Variants in PALLD observed in about 807,000 individuals in gnomAD.
PALLD encodes palladin.
Under a neutral mutation model 123.5 loss-of-function variants are expected in PALLD, and 61 were observed. That is an observed-to-expected ratio of 0.49 (90% CI 0.40 to 0.61). The LOEUF (loss-of-function observed/expected upper bound fraction) is 0.61, where lower values mean the gene tolerates loss of function less well. PALLD is among the 20% of genes least tolerant of loss of function. PALLD has a pLI of 0.00. For synonymous variants in PALLD, 465 were observed against 496.4 expected, an observed-to-expected ratio of 0.94 and a Z score of 0.84; for missense variants, 1,273 against 1,377.0, an observed-to-expected ratio of 0.92 and a Z score of 1.20.
intron 2 of PALLD, among the ~76,000 whole-genome samples, chr4:168,517,716 A>C (rs1198506264): frequency 2.0e-5 from 3 of 152,210 alleles, no homozygotes; most frequent in Non-Finnish European, 1.5e-5. Flanking sequence ...ACCACTAGCC[A>C]ATAGTTTATG....
intron 10 of PALLD, among the ~76,000 whole-genome samples, chr4:168,799,400 T>C (rs1221936549): frequency 6.6e-6 from 1 of 152,202 alleles, no homozygotes; most frequent in Non-Finnish European, 1.5e-5. Context: ...ATTGGAAAGG[T>C]AACCGAAGTC....
At chr4:168,747,756 G>A (rs763216947) in intron 10 of PALLD, among the ~76,000 whole-genome samples, 50 of 152,130 alleles carry the variant, frequency 3.3e-4, no homozygotes, top group Non-Finnish European at 5.3e-4. Flanking sequence ...TTAGCTTTGC[G>A]TTAAGAGAAT....
Position 168,919,018 on chromosome 4 carries a change from A to G in PALLD, c.2851-2516A>G, listed in dbSNP as rs78139787. 4.8e-3 allele frequency among the ~76,000 whole-genome samples: 737 copies of G among 152,248 alleles called. 8 individuals carry two copies. The highest frequency in any genetic ancestry group is 5.6e-3 in the Admixed American group (85 of 15,290). ...AATCTGGAATTTATTTTTAAATATA[A>G]AAAATAAGAGAGTGACTAAATGATG... is the stretch of plus-strand genomic sequence containing the variant. On this transcript the variant is annotated intron_variant, in intron 17 of 21. Coordinates refer to ENST00000505667, the MANE Select transcript of PALLD (RefSeq NM_001166108.2).
intron 3 of PALLD, among the ~76,000 whole-genome samples, chr4:168,675,388 G>A (rs974445990): frequency 1.3e-5 from 2 of 152,184 alleles, no homozygotes; most frequent in African/African-American, 4.8e-5. Context: ...GTGACATTGT[G>A]AAGCGTGCTG....
At chr4:168,865,217 A>G (rs1750090964) in intron 10 of PALLD, among the ~76,000 whole-genome samples, 1 of 152,272 alleles carries the variant, frequency 6.6e-6, no homozygotes, top group Non-Finnish European at 1.5e-5. Flanking sequence ...TCAAAAGCTA[A>G]GAAGGGCCAA....
intron 10 of PALLD, among the ~76,000 whole-genome samples, chr4:168,806,317 G>A (rs537662033): frequency 5.3e-5 from 8 of 152,278 alleles, no homozygotes; most frequent in Non-Finnish European, 8.8e-5. Flanking sequence ...GCCCACCTCC[G>A]TCTCCCAAAG....
chr4:168,823,038 A>C (rs1190691272), intron 10 of PALLD, among the ~76,000 whole-genome samples: 1 of 152,158 alleles, frequency 6.6e-6, no homozygotes, highest in Admixed American at 6.5e-5. Context: ...CCGTTTCTCC[A>C]TTAAAAAAAA....
intron 2 of PALLD, among the ~76,000 whole-genome samples, chr4:168,580,562 T>A (rs192420369): frequency 6.6e-6 from 1 of 152,092 alleles, no homozygotes; most frequent in Admixed American, 6.6e-5. Flanking sequence ...GAAAGCAGTA[T>A]GGAAATTCCT....
At chr4:168,810,643 CAAA>C (rs60307198) in intron 10 of PALLD, among the ~76,000 whole-genome samples, 9 of 139,522 alleles carry the variant, frequency 6.5e-5, no homozygotes, top group East Asian at 2.3e-4. Context: ...AACTCTGTCT[CAAA>C]AAAAAAAAAA....
chr4:168,688,289 T>G (rs1782279747), intron 6 of PALLD, among the ~76,000 whole-genome samples: 1 of 152,212 alleles, frequency 6.6e-6, no homozygotes, highest in Admixed American at 6.5e-5. Flanking sequence ...CTCCATCTGT[T>G]TTCTCATGCT....
intron 10 of PALLD, among the ~76,000 whole-genome samples, chr4:168,816,415 T>TATATATATATATATATATATATA (rs35097396): frequency 1.1e-4 from 15 of 136,272 alleles, no homozygotes; most frequent in African/African-American, 4.0e-4. Context: ...ATATATATAT[T>TATATATATATATATATATATATA]TTTTTTAAGT....
intron 2 of PALLD, among the ~76,000 whole-genome samples, chr4:168,636,709 G>A (rs918392944): frequency 1.3e-5 from 2 of 152,144 alleles, no homozygotes; most frequent in Non-Finnish European, 2.9e-5. Context: ...CATATTCCTT[G>A]CTTCCAGAAG....
At chr4:168,822,962 C>G (rs1387664661) in intron 10 of PALLD, among the ~76,000 whole-genome samples, 1 of 152,060 alleles carries the variant, frequency 6.6e-6, no homozygotes, top group Non-Finnish European at 1.5e-5. Context: ...AGATGAATGT[C>G]AGATACCCAA....
intron 19 of PALLD, among the ~76,000 whole-genome samples, 162 bp from the exon 20 acceptor site, chr4:168,924,783 C>G (rs1762257305): frequency 1.3e-5 from 2 of 152,194 alleles, no homozygotes; most frequent in Non-Finnish European, 2.9e-5. Flanking sequence ...TTCTTTCTCC[C>G]ATTAACTTTA....
At chr4:168,615,428 A>T (rs1405803032) in intron 2 of PALLD, among the ~76,000 whole-genome samples, 1 of 152,224 alleles carries the variant, frequency 6.6e-6, no homozygotes, top group African/African-American at 2.4e-5. Flanking sequence ...TTTCACAAGG[A>T]AAATAACAGA....
At chr4:168,786,349 A>G (rs1056607064) in intron 10 of PALLD, among the ~76,000 whole-genome samples, 1 of 151,998 alleles carries the variant, frequency 6.6e-6, no homozygotes, top group Non-Finnish European at 1.5e-5. Flanking sequence ...GAAGTATACT[A>G]TTTTCATAGA....
At chr4:168,611,953 A>G (rs941719532) in intron 2 of PALLD, among the ~76,000 whole-genome samples, 6 of 152,144 alleles carry the variant, frequency 3.9e-5, no homozygotes, top group African/African-American at 1.2e-4. Context: ...TGAGCTCAGG[A>G]GTTCAAGACC....
At chr4:168,693,438 A>G (rs959861530) in intron 8 of PALLD, among the ~76,000 whole-genome samples, 1 of 152,206 alleles carries the variant, frequency 6.6e-6, no homozygotes, top group Non-Finnish European at 1.5e-5. Context: ...CTTAAATGCC[A>G]TTTGCTTTAA....
chr4:168,559,868 G>C (rs1329643570), intron 2 of PALLD, among the ~76,000 whole-genome samples: 1 of 151,830 alleles, frequency 6.6e-6, no homozygotes, highest in East Asian at 1.9e-4. Flanking sequence ...CTGGGCAACA[G>C]AGTGAAACCG....
Sources: gnomAD v4.1 joint callset for allele counts (sites outside exome capture counted in the v4.1 genomes callset) on GRCh38, gnomAD v4.1.1 for gene constraint, MANE v1.5 for transcripts, NCBI Gene and HGNC (gene_info 2026-07-23, HGNC 2026-07-21) for gene names.